The following MIB2 variants were observed in gnomAD, a reference collection of about 807,000 sequenced individuals.
MIB2 encodes E3 ubiquitin-protein ligase MIB2.
Under a neutral mutation model 96.6 loss-of-function variants are expected in MIB2, and 78 were observed. The ratio of observed to expected loss-of-function variants is 0.81; its 90% CI spans 0.67 to 0.97. The LOEUF is 0.97. Ranked by LOEUF, MIB2 falls within the 50% of genes least tolerant of loss-of-function variation. The probability of loss-of-function intolerance (pLI) is 0.00; values close to 1 mark genes in which losing one functional copy is unlikely to be tolerated. For synonymous variants in MIB2, 820 were observed against 629.5 expected, an observed-to-expected ratio of 1.30 and a Z score of -4.53; for missense variants, 1,543 against 1,424.0, an observed-to-expected ratio of 1.08 and a Z score of -1.35.
At position 1,629,682 on chromosome 1, in the gene MIB2, C is replaced by A. The variant is rs1447437097; in HGVS notation, c.2607C>A (p.Val869=). The change falls in exon 19 of 20, where the codon GTC becomes GTA. Residue 869 remains valine, a synonymous_variant. Transcript: ENST00000355826. The part of the protein sequence containing the change: ...RMKKCIRCQV[V]VSKKLRPDGS... ...AGAAGTGCATCAGGTGCCAGGTGGTCGTCAGCAAGAAACTGCGCCCAGGTG... is the reference window on the plus strand; with the variant it reads ...AGAAGTGCATCAGGTGCCAGGTGGTAGTCAGCAAGAAACTGCGCCCAGGTG... The A allele has an allele frequency of 1.5e-5, 24 of 1,599,406 alleles. No individual in the cohort carries two copies. The highest frequency in any genetic ancestry group is 2.0e-5 in the Non-Finnish European group (23 of 1,172,978).
At chr1:1,619,475 G>A (rs540845090) in intron 2 of MIB2, among the ~76,000 whole-genome samples, 1 of 152,270 alleles carries the variant, frequency 6.6e-6, no homozygotes, top group African/African-American at 2.4e-5. Context: ...TGGCACCGCA[G>A]AAGGGTTGGC....
Position 1,626,191 on chromosome 1 carries a change from C to T in MIB2, c.973-459C>T. 1 of 196,870 alleles carries T rather than the reference C, an allele frequency of 5.1e-6. No homozygotes were observed. Among genetic ancestry groups the T allele is most frequent in the African/African-American group, 2.3e-5 (1 of 42,830 alleles). The allele number at this position is 196,870 out of a possible 1,614,324, so 12.2% of individuals were successfully genotyped here. A position where few individuals can be genotyped will look rare whatever the true frequency, so the allele number is the denominator to read the frequency against. On this transcript the variant is annotated intron_variant, in intron 8 of 19. Transcript: ENST00000355826. This position sits in a 1 kb window ranked among gnomAD's most constrained non-coding sequence, Gnocchi z 5.3. ...TGGATCTGGGGTCCTGGATACCAGG[C>T]ACCTTTGAGGAGGCGCCGAAGGGAG... is the stretch of plus-strand genomic sequence containing the variant.
Position 1,628,339 on chromosome 1 carries a change from G to C in MIB2, c.1908G>C (p.Thr636=). 5.6e-6 allele frequency: 9 copies of C among 1,612,842 alleles called. No homozygotes were observed. The highest frequency in any genetic ancestry group is 7.6e-6 in the Non-Finnish European group (9 of 1,179,924). The part of the protein sequence containing the change: ...LVDAKKEDGF[T]ALHLAALNNH... ...ACGCCAAGAAGGAGGACGGCTTCAC[G>C]GCGCTGCATCTGGCTGCCCTCAACA... The change falls in exon 15 of 20, where the codon ACG becomes ACC. Residue 636 remains threonine, a synonymous_variant. Transcript: ENST00000355826.
At chr1:1,627,991 C>T (rs1405141137) in intron 13 of MIB2, 28 bp from the exon 14 acceptor site, 5 of 1,611,202 alleles carry the variant, frequency 3.1e-6, no homozygotes, top group East Asian at 4.5e-5. Context: ...AAGTCACCCC[C>T]AGGTGACCAC....
In MIB2 at chr1:1,627,131, C is replaced by G; in HGVS notation, c.1298C>G (p.Pro433Arg). The G allele has an allele frequency of 6.3e-7, 1 of 1,597,364 alleles. No homozygotes were observed. ...LRAQKSDPEH[P>R]GRLVVEVALG... ...GCCCAGAAGAGTGACCCAGAGCACC[C>G]GGGAAGGCTGGTGGTGGAGGTGGCG... The change falls in exon 11 of 20, where the codon CCG (proline) becomes CGG (arginine). Residue 433 changes from proline (P) to arginine (R), a missense_variant. Physicochemically the swap from Pro to Arg is moderately radical, Grantham distance 103. Transcript: ENST00000355826.
chr1:1,624,163 C>A, intron 4 of MIB2: 1 of 593,384 alleles, frequency 1.7e-6, no homozygotes, highest in Non-Finnish European at 2.9e-6. Context: ...CAGCCAGCAT[C>A]CCCCAGGGCG....
chr1:1,616,356 AG>A, intron 1 of MIB2, 151 bp from the exon 2 acceptor site: 1 of 596,856 alleles, frequency 1.7e-6, no homozygotes, highest in Non-Finnish European at 2.8e-6. Flanking sequence ...CTCAGACCCC[AG>A]GGAGCCCATC....
intron 16 of MIB2, 170 bp downstream of exon 16, chr1:1,628,892 A>G (rs1338589942): frequency 4.1e-6 from 3 of 729,098 alleles, no homozygotes; most frequent in Non-Finnish European, 6.5e-6. Context: ...TTCAGCCTGC[A>G]CCCCTAGGCA....
Position 1,626,695 on chromosome 1 carries a change from C to A in MIB2, c.1018C>A (p.Leu340Ile), listed in dbSNP as rs755621666. 6.2e-7 allele frequency: 1 copy of A among 1,600,598 alleles called. No homozygotes were observed. The highest frequency in any genetic ancestry group is 1.7e-5 in the Admixed American group (1 of 59,042). ...CGACGTGGTCCGGGTCATCGGCGAC[C>A]TTGACACAGTGAAGCGGCTGCAGGC... ...VGDVVRVIGD[L>I]DTVKRLQAGH... is the part of the protein sequence containing the mutation. Residue 340 changes from leucine to isoleucine, a missense_variant, in exon 9 of 20, where the codon CTT (leucine) becomes ATT (isoleucine). Leu to Ile is a conservative substitution (Grantham distance 5). Coordinates refer to ENST00000355826, the MANE Select transcript of MIB2 (RefSeq NM_001170687.4). The surrounding 1 kb of genome is among the most constrained non-coding windows in gnomAD (Gnocchi z 5.3).
intron 2 of MIB2, chr1:1,616,820 C>T (rs974680971): frequency 3.5e-5 from 18 of 518,676 alleles, no homozygotes; most frequent in African/African-American, 3.4e-4. Flanking sequence ...CTGATAGGCA[C>T]CTGCAGGATT....
At position 1,629,297 on chromosome 1, in the gene MIB2, C is replaced by T. The variant is rs1307950539; in HGVS notation, c.2367C>T (p.Cys789=). The T allele has an allele frequency of 1.3e-6, 2 of 1,508,414 alleles. No individual in the cohort carries two copies. Among genetic ancestry groups the T allele is most frequent in the South Asian group, 1.3e-5 (1 of 77,774 alleles). The allele number at this position is 1,508,414 out of a possible 1,614,324, so 93.4% of individuals were successfully genotyped here. A position where few individuals can be genotyped will look rare whatever the true frequency, so the allele number is the denominator to read the frequency against. Residue 789 remains cysteine (C), a synonymous_variant, in exon 17 of 20, where the codon TGC becomes TGT. Transcript: ENST00000355826. ...GCGTGCTCAAGGCCCTTCAGGGCTG[C>T]GCCCAGCGCTTCCGGTGAGTCCGTG... The part of the protein sequence containing the change: ...EGRVLKALQG[C]AQRFRERQAG...
In MIB2 at chr1:1,616,557, C is replaced by T; in HGVS notation, c.-80C>T. The T allele has an allele frequency of 6.2e-7, 1 of 1,603,650 alleles. No individual in the cohort carries two copies. The highest frequency in any genetic ancestry group is 8.5e-7 in the Non-Finnish European group (1 of 1,175,650). ...GGCCAGTCCCAAAGTTTCCAGGCAT[C>T]AGGGCTGCAGCCCAGGAGCCTCAAG... On this transcript the variant is annotated 5_prime_UTR_variant, in exon 2 of 20. Coordinates refer to ENST00000355826, the MANE Select transcript of MIB2 (RefSeq NM_001170687.4).
intron 2 of MIB2, chr1:1,617,434 CTG>C (rs1467442247): frequency 6.6e-6 from 1 of 152,276 alleles, no homozygotes; most frequent in Non-Finnish European, 1.5e-5. Flanking sequence ...CTCCTGCCCT[CTG>C]AGAGCTTGCA....
chr1:1,617,332 G>C (rs1159575314), intron 2 of MIB2: 1 of 152,274 alleles, frequency 6.6e-6, no homozygotes. Context: ...AATAGGATTT[G>C]GTTTCTATGG....
chr1:1,618,832 C>G (rs1643986985), intron 2 of MIB2: 1 of 152,494 alleles, frequency 6.6e-6, no homozygotes, highest in Admixed American at 6.5e-5. Flanking sequence ...GAGAAGAGAC[C>G]AAGGGATACA....
upstream of MIB2, chr1:1,615,424 G>A (rs984798739): frequency 4.4e-5 from 66 of 1,486,558 alleles, no homozygotes; most frequent in Non-Finnish European, 5.7e-5. Flanking sequence ...CACTTCCGGT[G>A]CTTGCCCTGC....
In MIB2 at chr1:1,627,468, CGGCGGGG is replaced by C. The variant is rs760575346; in HGVS notation, c.1523+25_1523+31del. On this transcript the variant is annotated intron_variant, in intron 12 of 19. Coordinates refer to ENST00000355826, the MANE Select transcript of MIB2 (RefSeq NM_001170687.4). ...GGGTGAGGCCTGGGAGGGGCCCGGC[CGGCGGGG>C]CTGAGCCTGTGCGTCCTGGGGTGAG... is the stretch of plus-strand genomic sequence containing the variant. The C allele has an allele frequency of 4.4e-6, 7 of 1,584,514 alleles. No individual in the cohort carries two copies. The African/African-American group carries it at 9.6e-5, about 22-fold the overall frequency.
upstream of MIB2, chr1:1,615,247 G>T: frequency 4.0e-6 from 4 of 994,838 alleles, no homozygotes; most frequent in East Asian, 6.4e-5. Flanking sequence ...GCTGCGGCGC[G>T]GCAAGTGCCG....
In MIB2 at chr1:1,629,226, A is replaced by T. The variant is rs1645123349; in HGVS notation, c.2296A>T (p.Thr766Ser). 1 of 1,542,862 alleles carries T rather than the reference A, an allele frequency of 6.5e-7. No homozygotes were observed. The highest frequency in any genetic ancestry group is 1.2e-5 in the South Asian group (1 of 84,120). Residue 766 changes from threonine (T) to serine (S), a missense_variant, in exon 17 of 20, where the codon ACC (threonine) becomes TCC (serine). Physicochemically the swap from Thr to Ser is moderately conservative, Grantham distance 58. Coordinates refer to ENST00000355826, the MANE Select transcript of MIB2 (RefSeq NM_001170687.4). ...GCTGGAGGGCGCCGACGTGAGCTAC[A>T]CCAACCACCGCGGTCGGAGCCCGCT... ...LALEGADVSYTNHRGRSPLDL... is the reference protein window; with the variant it reads ...LALEGADVSYSNHRGRSPLDL...
Sources: allele counts gnomAD v4.1 joint callset (sites outside exome capture counted in the v4.1 genomes callset), GRCh38; gene constraint gnomAD v4.1.1; non-coding constraint Gnocchi (gnomAD v3.1); transcripts MANE v1.5; gene names NCBI Gene and HGNC (gene_info 2026-07-23, HGNC 2026-07-21).